Variants in MAPK8IP2 observed in about 807,000 individuals in gnomAD.
MAPK8IP2 encodes the protein mitogen-activated protein kinase 8 interacting protein 2.
Under a neutral mutation model 75.6 loss-of-function variants are expected in MAPK8IP2, and 15 were observed. That is an observed-to-expected ratio of 0.20 (90% CI 0.13 to 0.31). MAPK8IP2 has a LOEUF of 0.31. Among genes scored for constraint, MAPK8IP2 ranks in the 10% least tolerant of loss-of-function variants. The probability of loss-of-function intolerance (pLI) is 1.00; values close to 1 mark genes in which losing one functional copy is unlikely to be tolerated. For missense variants in MAPK8IP2, 1,089 were observed against 1,211.2 expected (o/e 0.90, Z 1.50); for synonymous variants, 632 against 554.5 (o/e 1.14, Z -1.96).
At chr22:50,601,070 A>C (rs1177488568) in intron 1 of MAPK8IP2, 187 bp downstream of exon 1, 8 of 69,774 alleles carry the variant, frequency 1.1e-4, no homozygotes, top group African/African-American at 6.3e-5. Flanking sequence ...CACTCCCTCC[A>C]TCTTCACCGC....
Position 50,609,825 on chromosome 22 carries a change from CAGTCTGCT to C in MAPK8IP2, c.2304-384_2304-377del, listed in dbSNP as rs748435012. 128 of 520,052 alleles carry C rather than the reference CAGTCTGCT, an allele frequency of 2.5e-4. 1 individual carries two copies. In the East Asian group the frequency reaches 5.7e-3, roughly 23 times the overall value. The allele number at this position is 520,052 out of a possible 1,614,324, so 32.2% of individuals were successfully genotyped here. ...ACCTCGGAGCTGGGCAAGGGGCTGT[CAGTCTGCT>C]AGGCCCGCAGGAGGAGGCCTGAGTT... On this transcript the variant is annotated intron_variant, in intron 10 of 11. Transcript: ENST00000329492.
In MAPK8IP2 at chr22:50,602,732, G is replaced by A. The variant is rs1410962751; in HGVS notation, c.172-491G>A. Among the ~76,000 whole-genome samples the A allele has an allele frequency of 3.9e-5, 6 of 152,138 alleles. No individual in the cohort carries two copies. The South Asian group carries it at 1.0e-3, about 26-fold the overall frequency. ...GGCGCAAAGTTGGTGAATCCTCAGA[G>A]TGCAGAGGCTGTCTCTCCATTTCTG... On this transcript the variant is annotated intron_variant, in intron 2 of 11. Transcript: ENST00000329492.
At chr22:50,602,992 T>G in intron 2 of MAPK8IP2, 1 of 819,810 alleles carries the variant, frequency 1.2e-6, no homozygotes, top group Non-Finnish European at 1.8e-6. Flanking sequence ...GGGGCTGCTC[T>G]GAGAATCCCT....
Position 50,610,835 on chromosome 22 carries a change from A to G in MAPK8IP2, c.*56A>G. Reference sequence around the variant, plus strand: ...GCTCCAGGCGCAGCTGGGGCTGAGGATGTCTCAAGAGGCCACCATGGCTTT... The same window carrying G: ...GCTCCAGGCGCAGCTGGGGCTGAGGGTGTCTCAAGAGGCCACCATGGCTTT... On this transcript the variant is annotated 3_prime_UTR_variant, in exon 12 of 12. Transcript: ENST00000329492. This position sits in a 1 kb window ranked among gnomAD's most constrained non-coding sequence, Gnocchi z 4.3. 4 of 1,470,948 alleles carry G rather than the reference A, an allele frequency of 2.7e-6. No homozygotes were observed. 91.1% of individuals were successfully genotyped at this position (1,470,948 alleles called of 1,614,324 possible).
chr22:50,602,074 C>T (rs2070947606), intron 2 of MAPK8IP2, among the ~76,000 whole-genome samples, 180 bp downstream of exon 2: 1 of 152,198 alleles, frequency 6.6e-6, no homozygotes, highest in Non-Finnish European at 1.5e-5. Flanking sequence ...CTTATTCCAA[C>T]ACATTGCAGG....
At chr22:50,608,779 G>A (rs1023498046) in intron 10 of MAPK8IP2, among the ~76,000 whole-genome samples, 7 of 137,016 alleles carry the variant, frequency 5.1e-5, no homozygotes, top group Non-Finnish European at 8.0e-5. Context: ...CGGACGGGGC[G>A]CAGACCAGAC....
In MAPK8IP2 at chr22:50,604,555, C is replaced by T. The variant is rs1438560036; in HGVS notation, c.1256C>T (p.Pro419Leu). 8.7e-7 allele frequency: 1 copy of T among 1,153,638 alleles called. No homozygotes were observed. Among genetic ancestry groups the T allele is most frequent in the Non-Finnish European group, 1.1e-6 (1 of 942,146 alleles). The allele number at this position is 1,153,638 out of a possible 1,614,324, so 71.5% of individuals were successfully genotyped here. The change falls in exon 5 of 12, where the codon CCG (proline) becomes CTG (leucine). Residue 419 changes from proline (P) to leucine (L), a missense_variant. By Grantham distance (98) the Pro-to-Leu change is moderately conservative. Around this residue, in one of 2 missense-constraint regions of MAPK8IP2, gnomAD observed 960 missense variants for 1,009.6 expected, o/e 0.95. Transcript: ENST00000329492. Reference sequence around the variant, plus strand: ...ATGGAGACGCTGTGCGCGCCGCCGCCGCCCGCGCCCGCCGCGCCTCGACCC... The same window carrying T: ...ATGGAGACGCTGTGCGCGCCGCCGCTGCCCGCGCCCGCCGCGCCTCGACCC... ...VDMETLCAPP[P>L]PAPAAPRPGP...
chr22:50,603,118 G>T (rs1347925828), intron 2 of MAPK8IP2, 105 bp from the exon 3 acceptor site: 1 of 1,592,190 alleles, frequency 6.3e-7, no homozygotes, highest in South Asian at 1.1e-5. Flanking sequence ...GCTGGAAGGG[G>T]CTCTCCTTTG....
chr22:50,603,058 T>C, intron 2 of MAPK8IP2, 165 bp from the exon 3 acceptor site: 1 of 1,447,042 alleles, frequency 6.9e-7, no homozygotes, highest in South Asian at 1.4e-5. Context: ...TCCCAATGTG[T>C]GTTAGGCAGA....
At chr22:50,605,125 AGTCCCAGG>A in intron 5 of MAPK8IP2, 61 bp downstream of exon 5, 1 of 1,580,030 alleles carries the variant, frequency 6.3e-7, no homozygotes. Flanking sequence ...CCCTGGCCCC[AGTCCCAGG>A]GTCCCCCACA....
At chr22:50,608,024 C>T (rs2071078868) in intron 10 of MAPK8IP2, among the ~76,000 whole-genome samples, 2 of 152,032 alleles carry the variant, frequency 1.3e-5, no homozygotes, top group South Asian at 2.1e-4. Flanking sequence ...AAAGGACTTG[C>T]GGGGAGTTGG....
intron 3 of MAPK8IP2, 51 bp from the exon 4 acceptor site, chr22:50,603,575 C>T (rs1569063734): frequency 8.9e-6 from 14 of 1,581,592 alleles, no homozygotes; most frequent in Non-Finnish European, 1.2e-5. Flanking sequence ...CCCTGCTCAC[C>T]CCCTGGGAGC....
chr22:50,603,687 C>T lies in MAPK8IP2; in HGVS notation c.509C>T (p.Ala170Val), dbSNP rs375417865. ...CGTCCGGCCTCCTGGCAGGAGACAG[C>T]GCTATGCTCACCCGCCCCGGAGGCC... ...LVRPASWQET[A>V]LCSPAPEALR... The change falls in exon 4 of 12, where the codon GCG (alanine) becomes GTG (valine). Residue 170 changes from alanine (A) to valine (V), a missense_variant. Ala to Val is a moderately conservative substitution (Grantham distance 64, BLOSUM62 0). This residue lies in a region of MAPK8IP2 where 960 missense variants were observed against 1,009.6 expected (regional missense o/e 0.95). Coordinates refer to ENST00000329492, the MANE Select transcript of MAPK8IP2 (RefSeq NM_012324.6). 3.2e-6 allele frequency: 5 copies of T among 1,585,050 alleles called. No homozygotes were observed. Among genetic ancestry groups the T allele is most frequent in the South Asian group, 2.3e-5 (2 of 87,026 alleles).
rs2071141216 is a variant in MAPK8IP2 at position 50,611,025 on chromosome 22, C to G, written c.*246C>G. On this transcript the variant is annotated 3_prime_UTR_variant, in exon 12 of 12. Transcript: ENST00000329492. The surrounding 1 kb of genome is among the most constrained non-coding windows in gnomAD (Gnocchi z 5.5). Reference sequence around the variant, plus strand: ...TCCGTTCTTTCTCTGTGTTGTCCTCCTCCTTCCCTTCCCAGTCTCCCTTTT... The same window carrying G: ...TCCGTTCTTTCTCTGTGTTGTCCTCGTCCTTCCCTTCCCAGTCTCCCTTTT... 4 of 486,760 alleles carry G rather than the reference C, an allele frequency of 8.2e-6. No homozygotes were observed. The highest frequency in any genetic ancestry group is 1.5e-5 in the Non-Finnish European group (4 of 272,548). 30.2% of individuals were successfully genotyped at this position (486,760 alleles called of 1,614,324 possible).
chr22:50,605,483 G>C, intron 6 of MAPK8IP2, 40 bp downstream of exon 6: 1 of 1,611,856 alleles, frequency 6.2e-7, no homozygotes, highest in Non-Finnish European at 8.5e-7. Flanking sequence ...CCCAGCCTCA[G>C]TCCCTGCCAT....
rs201649100 is a variant in MAPK8IP2, at chr22:50,603,663, G to C, written c.485G>C (p.Arg162Pro). The change falls in exon 4 of 12, where the codon CGT (arginine) becomes CCT (proline). Residue 162 changes from arginine to proline, a missense_variant. Arg to Pro is a moderately radical substitution (Grantham distance 103, BLOSUM62 -2). Transcript: ENST00000329492. ...AACAACGGAGGCTTTGACCTGGTGC[G>C]TCCGGCCTCCTGGCAGGAGACAGCG... ...LNNNGGFDLV[R>P]PASWQETALC... 6.3e-7 allele frequency: 1 copy of C among 1,592,444 alleles called. No individual in the cohort carries two copies. The highest frequency in any genetic ancestry group is 8.5e-7 in the Non-Finnish European group (1 of 1,169,926).
chr22:50,610,140 T>A lies in MAPK8IP2; in HGVS notation c.2304-72T>A, dbSNP rs2071123497. The A allele has an allele frequency of 3.4e-5, 38 of 1,122,836 alleles. No homozygotes were observed. The South Asian group carries it at 4.9e-4, about 14-fold the overall frequency. 69.6% of individuals were successfully genotyped at this position (1,122,836 alleles called of 1,614,324 possible). A position where few individuals can be genotyped will look rare whatever the true frequency, so the allele number is the denominator to read the frequency against. ...AAGCCCTTTGTTCCTGCCTCTTCTC[T>A]CTACATCATTTGTGGGGTGGCCAAG... On this transcript the variant is annotated intron_variant, in intron 10 of 11. Transcript: ENST00000329492. The surrounding 1 kb of genome is among the most constrained non-coding windows in gnomAD (Gnocchi z 4.3).
At position 50,610,289 on chromosome 22, in the gene MAPK8IP2, G is replaced by A. The variant is rs2071126601; in HGVS notation, c.2381G>A (p.Arg794Lys). 1 of 1,606,594 alleles carries A rather than the reference G, an allele frequency of 6.2e-7. No homozygotes were observed. Among genetic ancestry groups the A allele is most frequent in the Non-Finnish European group, 8.5e-7 (1 of 1,176,480 alleles). Residue 794 changes from arginine (R) to lysine (K), a missense_variant, in exon 11 of 12, where the codon AGG becomes AAG. Physicochemically the swap from Arg to Lys is conservative, Grantham distance 26. Around this residue, in one of 2 missense-constraint regions of MAPK8IP2, gnomAD observed 129 missense variants for 201.7 expected, o/e 0.64. Transcript: ENST00000329492. The surrounding 1 kb of genome is among the most constrained non-coding windows in gnomAD (Gnocchi z 4.3). ...CHVFVSQESM[R>K]PVAQSVGRAF... ...GTCTTTGTCTCCCAGGAGTCCATGAGGCCGGTGGCGCAGAGTGTGGGGTGA... is the reference window on the plus strand; with the variant it reads ...GTCTTTGTCTCCCAGGAGTCCATGAAGCCGGTGGCGCAGAGTGTGGGGTGA...
rs938130068 is a variant in MAPK8IP2, at chr22:50,604,092, G to A, written c.793G>A (p.Gly265Arg). 1 of 1,549,184 alleles carries A rather than the reference G, an allele frequency of 6.5e-7. No homozygotes were observed. ...GGAGGACGCGGGCGGCGCGCGCCTG[G>A]GGCGCATGATCTCGTCCATCTCGGA... ...DSEDAGGARL[G>R]RMISSISETE... is the part of the protein sequence containing the mutation. The change falls in exon 5 of 12, where the codon GGG becomes AGG. Residue 265 changes from glycine to arginine, a missense_variant. Physicochemically the swap from Gly to Arg is moderately radical, Grantham distance 125. This residue lies in a region of MAPK8IP2 where 960 missense variants were observed against 1,009.6 expected (regional missense o/e 0.95). Transcript: ENST00000329492.
Sources: gnomAD v4.1 joint callset for allele counts (sites outside exome capture counted in the v4.1 genomes callset) on GRCh38, gnomAD v4.1.1 for gene constraint, gnomAD v4.1.1 regional missense constraint, Gnocchi (gnomAD v3.1) non-coding constraint, MANE v1.5 for transcripts, NCBI Gene and HGNC (gene_info 2026-07-23, HGNC 2026-07-21) for gene names.